The following DLGAP1 variants were observed in gnomAD, a reference collection of about 807,000 sequenced individuals.
DLGAP1 encodes disks large-associated protein 1.
A neutral mutation model predicts 90.8 loss-of-function variants in DLGAP1; 11 were observed. That is an observed-to-expected ratio of 0.12 (90% confidence interval 0.08 to 0.20). The LOEUF (loss-of-function observed/expected upper bound fraction) is 0.20. DLGAP1 is among the 10% of genes least tolerant of loss of function. The pLI, the probability that DLGAP1 is intolerant of heterozygous loss-of-function variation, is 1.00. For missense variants in DLGAP1, 1,050 were observed against 1,333.8 expected (o/e 0.79, Z 3.31); for synonymous variants, 558 against 540.7 (o/e 1.03, Z -0.44).
chr18:4,324,112 A>T (rs1268890837), intron 1 of DLGAP1, among the ~76,000 whole-genome samples: 1 of 151,942 alleles, frequency 6.6e-6, no homozygotes, highest in African/African-American at 2.4e-5. Flanking sequence ...AGTAAGATAG[A>T]CCACTAACTA....
At chr18:4,095,559 G>A (rs1201099844) in intron 2 of DLGAP1, among the ~76,000 whole-genome samples, 1 of 152,136 alleles carries the variant, frequency 6.6e-6, no homozygotes, top group Non-Finnish European at 1.5e-5. Context: ...AGTAAGAGAT[G>A]ATCAAGTAAA....
At chr18:3,636,727 T>TC (rs2058731138) in intron 7 of DLGAP1, among the ~76,000 whole-genome samples, 1 of 30,634 alleles carries the variant, frequency 3.3e-5, no homozygotes, top group African/African-American at 7.7e-4. Flanking sequence ...CTTTTACATC[T>TC]TTTTTTTTTT....
chr18:3,575,327 A>G (rs1050308810), intron 8 of DLGAP1, among the ~76,000 whole-genome samples: 1 of 152,206 alleles, frequency 6.6e-6, no homozygotes, highest in Admixed American at 6.6e-5. Context: ...TTTATTTTTA[A>G]TTCAAAGAAT....
At chr18:4,153,046 T>C (rs1321282901) in intron 1 of DLGAP1, among the ~76,000 whole-genome samples, 5 of 152,360 alleles carry the variant, frequency 3.3e-5, no homozygotes, top group Admixed American at 2.6e-4. Flanking sequence ...GGAAAGATTA[T>C]GTAATTTCTG....
At chr18:4,229,716 T>G (rs1339606912) in intron 1 of DLGAP1, among the ~76,000 whole-genome samples, 1 of 151,950 alleles carries the variant, frequency 6.6e-6, no homozygotes, top group Non-Finnish European at 1.5e-5. Context: ...ATTATGAAAC[T>G]ACTACAAGAA....
At chr18:3,794,637 A>G (rs1009461519) in intron 5 of DLGAP1, among the ~76,000 whole-genome samples, 1 of 152,194 alleles carries the variant, frequency 6.6e-6, no homozygotes, top group African/African-American at 2.4e-5. Context: ...AAACAATGGG[A>G]TTGAGTCATT....
At chr18:4,254,905 G>A (rs1414193633) in intron 1 of DLGAP1, among the ~76,000 whole-genome samples, 2 of 152,202 alleles carry the variant, frequency 1.3e-5, no homozygotes, top group East Asian at 1.9e-4. Context: ...ACAGTCTGTA[G>A]TAAGGTGCTA....
intron 1 of DLGAP1, among the ~76,000 whole-genome samples, chr18:4,284,423 C>T (rs1051132829): frequency 6.6e-6 from 1 of 152,100 alleles, no homozygotes; most frequent in African/African-American, 2.4e-5. Context: ...CATCAAAGGC[C>T]TATGAACAAG....
At chr18:3,697,949 A>T (rs61572260) in intron 7 of DLGAP1, among the ~76,000 whole-genome samples, 42,180 of 151,916 alleles carry the variant, frequency 0.28, 6,861 homozygotes, top group African/African-American at 0.44. Flanking sequence ...TGCCCTTCTT[A>T]GTCTTTTTTG....
At chr18:3,736,495 G>A (rs77394087) in intron 6 of DLGAP1, among the ~76,000 whole-genome samples, 3,461 of 152,154 alleles carry the variant, frequency 0.023, 143 homozygotes, top group African/African-American at 0.079. Context: ...GATGAATAAT[G>A]TGTCAGGTTT....
At chr18:3,869,654 C>T (rs1398002273) in intron 4 of DLGAP1, among the ~76,000 whole-genome samples, 5 of 152,198 alleles carry the variant, frequency 3.3e-5, no homozygotes, top group Non-Finnish European at 5.9e-5. Context: ...AATTTTACAC[C>T]CACACTGTGA....
chr18:3,994,853 T>C (rs2074036711), intron 3 of DLGAP1, among the ~76,000 whole-genome samples: 1 of 152,158 alleles, frequency 6.6e-6, no homozygotes, highest in African/African-American at 2.4e-5. Flanking sequence ...GGAGCACAGC[T>C]CTTTAATACA....
intron 3 of DLGAP1, among the ~76,000 whole-genome samples, chr18:3,887,726 C>T (rs2071353706): frequency 6.6e-6 from 1 of 152,136 alleles, no homozygotes; most frequent in Non-Finnish European, 1.5e-5. Flanking sequence ...GAATGCCCAA[C>T]AGGCTGATGA....
rs1030796769 is a variant in DLGAP1 at position 3,814,273 on chromosome 18, C to A, written c.958G>T (p.Val320Phe). The change falls in exon 5 of 13, where the codon GTT becomes TTT. Residue 320 changes from valine (V) to phenylalanine (F), a missense_variant and splice_region_variant. Around this residue, in one of 2 missense-constraint regions of DLGAP1, gnomAD observed 565 missense variants for 879.7 expected, o/e 0.64. Transcript: ENST00000315677. Reference sequence around the variant, plus strand: ...TACCCTGTCCATTCATCTTGTGGAACCTATTCAGATAGAAAACAGATAAAT... The same window carrying A: ...TACCCTGTCCATTCATCTTGTGGAAACTATTCAGATAGAAAACAGATAAAT... ...QQERSCQYLQ[V>F]PQDEWTGYTP... 1 of 1,613,782 alleles carries A rather than the reference C, an allele frequency of 6.2e-7. No individual in the cohort carries two copies.
At chr18:4,302,097 C>T (rs1407993414) in intron 1 of DLGAP1, among the ~76,000 whole-genome samples, 3 of 152,186 alleles carry the variant, frequency 2.0e-5, no homozygotes, top group Non-Finnish European at 4.4e-5. Flanking sequence ...GATATCTCCT[C>T]AGTCTGTACA....
At chr18:3,698,002 G>T (rs1199399594) in intron 7 of DLGAP1, among the ~76,000 whole-genome samples, 1 of 152,052 alleles carries the variant, frequency 6.6e-6, no homozygotes, top group Non-Finnish European at 1.5e-5. Flanking sequence ...GACTAGGATT[G>T]CAACTCCTGC....
At chr18:4,060,774 T>C (rs1180903207) in intron 2 of DLGAP1, among the ~76,000 whole-genome samples, 3 of 152,316 alleles carry the variant, frequency 2.0e-5, no homozygotes, top group Non-Finnish European at 4.4e-5. Context: ...GGATCTTGTA[T>C]GGTAAATTCT....
chr18:4,155,030 A>C (rs545284772), intron 1 of DLGAP1, among the ~76,000 whole-genome samples: 1 of 152,326 alleles, frequency 6.6e-6, no homozygotes, highest in African/African-American at 2.4e-5. Flanking sequence ...AAGAGGTATC[A>C]GAAGTGCATA....
chr18:3,749,999 T>C (rs992660278), intron 5 of DLGAP1, among the ~76,000 whole-genome samples: 1 of 152,204 alleles, frequency 6.6e-6, no homozygotes, highest in African/African-American at 2.4e-5. Context: ...TGGGGTTACA[T>C]GTGCAGGTTT....
Sources: gnomAD v4.1 joint callset for allele counts (sites outside exome capture counted in the v4.1 genomes callset) on GRCh38, gnomAD v4.1.1 for gene constraint, gnomAD v4.1.1 regional missense constraint, MANE v1.5 for transcripts, NCBI Gene and HGNC (gene_info 2026-07-23, HGNC 2026-07-21) for gene names.